The following NT5DC3 variants were observed in gnomAD, a reference collection of about 807,000 sequenced individuals.
NT5DC3 encodes 5'-nucleotidase domain containing 3.
NT5DC3 carries 42 observed loss-of-function variants against 67.8 expected under a neutral mutation model. The observed-to-expected ratio is 0.62, with a 90% CI of 0.48 to 0.80. The LOEUF (loss-of-function observed/expected upper bound fraction) is 0.80, where lower values mean the gene tolerates loss of function less well. NT5DC3 is among the 30% of genes least tolerant of loss of function. The probability of loss-of-function intolerance (pLI) is 0.00; values close to 1 mark genes in which losing one functional copy is unlikely to be tolerated. For synonymous variants in NT5DC3, 237 were observed against 255.6 expected, an observed-to-expected ratio of 0.93 and a Z score of 0.69; for missense variants, 570 against 696.4, an observed-to-expected ratio of 0.82 and a Z score of 2.04.
the NT5DC3 span, chr12:103,763,687 A>T: frequency 7.9e-7 from 1 of 1,272,080 alleles, no homozygotes; most frequent in Non-Finnish European, 1.1e-6. Flanking sequence ...TTCAGTGGAG[A>T]TCTTTGTACC....
intron 1 of NT5DC3, among the ~76,000 whole-genome samples, chr12:103,837,055 C>T (rs1888180963): frequency 6.6e-6 from 1 of 152,254 alleles, no homozygotes; most frequent in Non-Finnish European, 1.5e-5. Context: ...CCCGGGCATC[C>T]AGGTGTTTCC....
At chr12:103,803,864 C>CCG (rs1039455880) in intron 4 of NT5DC3, among the ~76,000 whole-genome samples, 1 of 126,584 alleles carries the variant, frequency 7.9e-6, no homozygotes, top group African/African-American at 2.7e-5. Flanking sequence ...TTACCACCCC[C>CCG]CCCCCAAAAA....
the NT5DC3 span, chr12:103,746,476 G>T: frequency 1.2e-6 from 1 of 815,418 alleles, no homozygotes; most frequent in South Asian, 1.6e-5. Flanking sequence ...CCATCTTCCT[G>T]CTGTACAGGG....
rs1314518550 is a variant in NT5DC3 at position 103,776,708 on chromosome 12, A to G, written c.*1121T>C. 1 of 152,078 alleles carries G rather than the reference A, an allele frequency of 6.6e-6. No individual in the cohort carries two copies. The highest frequency in any genetic ancestry group is 1.5e-5 in the Non-Finnish European group (1 of 68,000). The allele number at this position is 152,078 out of a possible 1,614,324, so 9.4% of individuals were successfully genotyped here. On this transcript the variant is annotated 3_prime_UTR_variant, in exon 14 of 14. Transcript: ENST00000392876. ...AAAAAACAAACTACACAAACTCCCAAATAGTCGCACAAACATCACAGGAGT... is the reference window on the plus strand; with the variant it reads ...AAAAAACAAACTACACAAACTCCCAGATAGTCGCACAAACATCACAGGAGT...
At chr12:103,835,064 A>T (rs907843795) in intron 1 of NT5DC3, among the ~76,000 whole-genome samples, 3 of 152,110 alleles carry the variant, frequency 2.0e-5, no homozygotes, top group Admixed American at 6.6e-5. Flanking sequence ...AATGTCACTC[A>T]TCTGTTTACC....
At chr12:103,770,010 A>G (rs923478703), downstream of NT5DC3, among the ~76,000 whole-genome samples, 9 of 152,336 alleles carry the variant, frequency 5.9e-5, no homozygotes, top group South Asian at 1.9e-3. Context: ...GCCTGCATGG[A>G]TGTGCAGCCA....
At position 103,777,861 on chromosome 12, in the gene NT5DC3, T is replaced by A. The variant is rs772291672; in HGVS notation, c.1615A>T (p.Thr539Ser). ...AWSERPPTFG[T>S]PLLQEAQAK is the part of the protein sequence containing the mutation. The stretch of plus-strand genomic sequence containing the variant: ...GCCTGGGCCTCCTGCAGGAGAGGGG[T>A]TCCGAAGGTGGGGGGCCTTTCTGAC... Residue 539 changes from threonine (T) to serine (S), a missense_variant, in exon 14 of 14, where the codon ACC (threonine) becomes TCC (serine). Transcript: ENST00000392876. 6.2e-7 allele frequency: 1 copy of A among 1,613,962 alleles called. No homozygotes were observed. The highest frequency in any genetic ancestry group is 8.5e-7 in the Non-Finnish European group (1 of 1,179,940).
At chr12:103,751,723 C>T in the NT5DC3 span, among the ~76,000 whole-genome samples, 1 of 152,186 alleles carries the variant, frequency 6.6e-6, no homozygotes, top group Non-Finnish European at 1.5e-5. Flanking sequence ...TTCAGCCTGT[C>T]CCACCTGTTC....
downstream of NT5DC3, among the ~76,000 whole-genome samples, chr12:103,767,430 G>A (rs1231687629): frequency 6.6e-6 from 1 of 152,192 alleles, no homozygotes; most frequent in Non-Finnish European, 1.5e-5. Context: ...CTGCTAATGG[G>A]TATGGGGTTT....
chr12:103,753,135 T>A, the NT5DC3 span: 1 of 1,551,894 alleles, frequency 6.4e-7, no homozygotes, highest in Non-Finnish European at 8.8e-7. Context: ...CTGGCCTTCA[T>A]TTTGAAAGTC....
chr12:103,782,097 T>C (rs1292273282), intron 12 of NT5DC3, among the ~76,000 whole-genome samples: 2 of 152,178 alleles, frequency 1.3e-5, no homozygotes, highest in African/African-American at 4.8e-5. Flanking sequence ...AGGCTGGGCG[T>C]GGTAGCTCAC....
Position 103,793,435 on chromosome 12 carries a change from T to C in NT5DC3, c.892A>G (p.Ile298Val). The C allele has an allele frequency of 6.2e-7, 1 of 1,614,176 alleles. No individual in the cohort carries two copies. The highest frequency in any genetic ancestry group is 8.5e-7 in the Non-Finnish European group (1 of 1,179,996). Residue 298 changes from isoleucine to valine, a missense_variant, in exon 8 of 14, where the codon ATC (isoleucine) becomes GTC (valine). Coordinates refer to ENST00000392876, the MANE Select transcript of NT5DC3 (RefSeq NM_001031701.3). ...ACAAAGCTACTGGGGCTATTGGTGA[T>C]GAGAAACATCTTCTTGCCATGATCA... is the stretch of plus-strand genomic sequence containing the variant. ...LADHGKKMFL[I>V]TNSPSSFVDK...
intron 4 of NT5DC3, among the ~76,000 whole-genome samples, chr12:103,801,808 C>A (rs1265261395): frequency 6.6e-6 from 1 of 152,192 alleles, no homozygotes; most frequent in Non-Finnish European, 1.5e-5. Context: ...AATGGCCACA[C>A]GCAAGGCTCA....
chr12:103,829,647 C>T (rs896282524), intron 1 of NT5DC3, among the ~76,000 whole-genome samples: 5 of 152,148 alleles, frequency 3.3e-5, no homozygotes, highest in African/African-American at 1.2e-4. Context: ...TCCCCCATCA[C>T]ATTCTATGCT....
chr12:103,828,628 C>A (rs921408781), intron 1 of NT5DC3, among the ~76,000 whole-genome samples: 1 of 152,142 alleles, frequency 6.6e-6, no homozygotes, highest in African/African-American at 2.4e-5. Context: ...CACCTGCAGG[C>A]TCCTCCTGCC....
intron 1 of NT5DC3, among the ~76,000 whole-genome samples, chr12:103,816,967 CT>C (rs376622215): frequency 2.6e-3 from 305 of 118,860 alleles, no homozygotes; most frequent in Middle Eastern, 4.5e-3. Flanking sequence ...TTTCTTTTTT[CT>C]TTTTTTTTTT....
downstream of NT5DC3, chr12:103,767,015 CA>C (rs1313503135): frequency 1.3e-5 from 2 of 152,250 alleles, no homozygotes; most frequent in East Asian, 3.9e-4. Context: ...CTGTAGAAAA[CA>C]GTTTGGCAAA....
At chr12:103,840,434 C>A (rs893866720) in intron 1 of NT5DC3, among the ~76,000 whole-genome samples, 2 of 129,278 alleles carry the variant, frequency 1.5e-5, no homozygotes, top group African/African-American at 2.7e-5. Flanking sequence ...CCATCCCATT[C>A]CATCCCATCC....
intron 2 of NT5DC3, among the ~76,000 whole-genome samples, chr12:103,813,034 C>A (rs567193662): frequency 3.3e-5 from 5 of 152,298 alleles, no homozygotes; most frequent in East Asian, 3.9e-4. Flanking sequence ...GAATTTGAAC[C>A]CCAGCAGTGA....
Sources: gnomAD v4.1 joint callset for allele counts (sites outside exome capture counted in the v4.1 genomes callset) on GRCh38, gnomAD v4.1.1 for gene constraint, MANE v1.5 for transcripts, NCBI Gene and HGNC (gene_info 2026-07-23, HGNC 2026-07-21) for gene names.